FGF12: variants seen among roughly 807,000 people sequenced by gnomAD.
FGF12 encodes the protein fibroblast growth factor 12B.
In FGF12, 14 loss-of-function variants were observed where a neutral mutation model predicts 23.6. The observed-to-expected ratio is 0.59, with a 90% CI of 0.39 to 0.93. FGF12 has a LOEUF of 0.93. Among genes scored for constraint, FGF12 ranks in the 40% least tolerant of loss-of-function variants. The probability of loss-of-function intolerance (pLI) is 0.00; values close to 1 mark genes in which losing one functional copy is unlikely to be tolerated. For synonymous variants in FGF12, 62 were observed against 77.3 expected (o/e 0.80, Z 1.04); for missense variants, 175 against 217.8 (o/e 0.80, Z 1.24).
intron 2 of FGF12, among the ~76,000 whole-genome samples, chr3:192,457,062 G>A (rs1005685538): frequency 2.6e-5 from 4 of 152,124 alleles, no homozygotes; most frequent in East Asian, 1.9e-4. Flanking sequence ...AGGGGTTTCC[G>A]CTTTTGCATC....
intron 2 of FGF12, among the ~76,000 whole-genome samples, chr3:192,521,928 G>T (rs1724822667): frequency 6.6e-6 from 1 of 152,182 alleles, no homozygotes; most frequent in African/African-American, 2.4e-5. Flanking sequence ...AAATATTGAT[G>T]AAATGAAAAC....
chr3:192,492,421 A>C (rs1723827939), intron 2 of FGF12, among the ~76,000 whole-genome samples: 1 of 152,074 alleles, frequency 6.6e-6, no homozygotes, highest in African/African-American at 2.4e-5. Flanking sequence ...TTTTTCTCTT[A>C]AATTACTGAG....
chr3:192,306,684 A>G (rs1337016377), intron 4 of FGF12, among the ~76,000 whole-genome samples: 1 of 152,238 alleles, frequency 6.6e-6, no homozygotes, highest in Non-Finnish European at 1.5e-5. Context: ...GTGGCCCCAG[A>G]GAGTCGACAA....
At chr3:192,195,139 C>T (rs900927078) in intron 4 of FGF12, among the ~76,000 whole-genome samples, 3 of 152,154 alleles carry the variant, frequency 2.0e-5, no homozygotes, top group African/African-American at 7.2e-5. Context: ...ACAAAGGCAT[C>T]GTGAACTCTC....
intron 3 of FGF12, among the ~76,000 whole-genome samples, chr3:192,339,997 T>A (rs1485566903): frequency 6.6e-6 from 1 of 152,190 alleles, no homozygotes; most frequent in Non-Finnish European, 1.5e-5. Flanking sequence ...ACTTAAAGCA[T>A]CTCAGCCTGA....
intron 4 of FGF12, among the ~76,000 whole-genome samples, chr3:192,257,647 A>G (rs1712486472): frequency 6.6e-6 from 1 of 152,076 alleles, no homozygotes; most frequent in Admixed American, 6.6e-5. Flanking sequence ...TGATTGGTTG[A>G]GTTAACCAAA....
chr3:192,600,404 A>G (rs1303299291), intron 2 of FGF12, among the ~76,000 whole-genome samples: 1 of 152,036 alleles, frequency 6.6e-6, no homozygotes, highest in Non-Finnish European at 1.5e-5. Context: ...AAATTTTATG[A>G]TTAAAAAAAA....
chr3:192,520,130 G>C (rs1263709606), intron 2 of FGF12, among the ~76,000 whole-genome samples: 1 of 152,158 alleles, frequency 6.6e-6, no homozygotes, highest in African/African-American at 2.4e-5. Flanking sequence ...TCTCAGCAGA[G>C]AGAGCTAGGA....
In FGF12 at chr3:192,599,165, C is replaced by T. The variant is rs1461351576; in HGVS notation, c.13+128016G>A. Reference sequence around the variant, plus strand: ...TAGAAGAAATACCTAATGTAGATCACAGGTTGATGGGTGCAGCAAACCACC... The same window carrying T: ...TAGAAGAAATACCTAATGTAGATCATAGGTTGATGGGTGCAGCAAACCACC... On this transcript the variant is annotated intron_variant, in intron 2 of 5. Transcript: ENST00000445105. 2.6e-5 allele frequency among the ~76,000 whole-genome samples: 4 copies of T among 151,644 alleles called. No individual in the cohort carries two copies. In the East Asian group the frequency reaches 7.7e-4, roughly 29 times the overall value.
chr3:192,340,239 C>T (rs1432795981), intron 3 of FGF12, among the ~76,000 whole-genome samples: 3 of 152,004 alleles, frequency 2.0e-5, no homozygotes, highest in South Asian at 4.1e-4. Context: ...CTTAGCTGCC[C>T]TATTCCTGGA....
At chr3:192,381,419 T>C (rs921909528) in intron 2 of FGF12, among the ~76,000 whole-genome samples, 26 of 152,206 alleles carry the variant, frequency 1.7e-4, no homozygotes, top group Non-Finnish European at 2.9e-4. Context: ...ACCAATACCC[T>C]GGTCTTGATA....
chr3:192,218,439 C>T (rs1220085046), intron 4 of FGF12, among the ~76,000 whole-genome samples: 1 of 152,140 alleles, frequency 6.6e-6, no homozygotes, highest in East Asian at 1.9e-4. Context: ...TGGTTAAATA[C>T]TATCCCTTTG....
At chr3:192,300,512 A>C (rs1215491334) in intron 4 of FGF12, among the ~76,000 whole-genome samples, 1 of 152,148 alleles carries the variant, frequency 6.6e-6, no homozygotes, top group African/African-American at 2.4e-5. Flanking sequence ...GAAGCATGGT[A>C]GGTGCCAATT....
intron 2 of FGF12, among the ~76,000 whole-genome samples, chr3:192,365,575 A>C (rs970325782): frequency 5.9e-5 from 9 of 152,116 alleles, no homozygotes; most frequent in African/African-American, 2.2e-4. Context: ...ATAAATTAAA[A>C]AAAATTCTAA....
intron 3 of FGF12, among the ~76,000 whole-genome samples, chr3:192,338,494 T>C (rs972443511): frequency 6.6e-6 from 1 of 152,220 alleles, no homozygotes; most frequent in Non-Finnish European, 1.5e-5. Context: ...CACATCATTA[T>C]AAGCTTGAGG....
chr3:192,452,518 T>C (rs988279779), intron 2 of FGF12, among the ~76,000 whole-genome samples: 2 of 152,236 alleles, frequency 1.3e-5, no homozygotes, highest in Non-Finnish European at 2.9e-5. Flanking sequence ...GGTCTCATGA[T>C]ATGAGGCTGA....
chr3:192,381,962 A>G (rs1170657763), intron 2 of FGF12, among the ~76,000 whole-genome samples: 1 of 152,110 alleles, frequency 6.6e-6, no homozygotes, highest in African/African-American at 2.4e-5. Context: ...CACATAGGAC[A>G]TATAGGGAGT....
intron 2 of FGF12, among the ~76,000 whole-genome samples, chr3:192,714,513 A>G (rs201941308): frequency 2.0e-5 from 2 of 99,738 alleles, no homozygotes; most frequent in Non-Finnish European, 3.7e-5. Context: ...TAAGGAAATA[A>G]TTTTTTTTTT....
At chr3:192,582,038 A>G (rs1408582815) in intron 2 of FGF12, among the ~76,000 whole-genome samples, 3 of 152,186 alleles carry the variant, frequency 2.0e-5, no homozygotes, top group Non-Finnish European at 2.9e-5. Context: ...TAGGCCCACT[A>G]AAGTAGAGTC....
Sources: allele counts gnomAD v4.1 joint callset (sites outside exome capture counted in the v4.1 genomes callset), GRCh38; gene constraint gnomAD v4.1.1; transcripts MANE v1.5; gene names NCBI Gene and HGNC (gene_info 2026-07-23, HGNC 2026-07-21).